The following MYRIP variants were observed in gnomAD, a reference collection of about 807,000 sequenced individuals.
MYRIP encodes the protein rab effector MyRIP.
In MYRIP, 49 loss-of-function variants were observed where a neutral mutation model predicts 98.0. The ratio of observed to expected loss-of-function variants is 0.50; its 90% CI spans 0.40 to 0.63. MYRIP has a LOEUF of 0.63. MYRIP is among the 30% of genes least tolerant of loss of function. The probability of loss-of-function intolerance (pLI) is 0.00; values close to 1 mark genes in which losing one functional copy is unlikely to be tolerated. For missense variants in MYRIP, 1,004 were observed against 1,058.2 expected (o/e 0.95, Z 0.71); for synonymous variants, 404 against 409.5 (o/e 0.99, Z 0.16).
intron 10 of MYRIP, among the ~76,000 whole-genome samples, chr3:40,204,157 TA>T (rs1393155337): frequency 3.1e-4 from 10 of 31,984 alleles, no homozygotes; most frequent in East Asian, 1.4e-3. Context: ...TATATAAATA[TA>T]TAATATAATA....
intron 11 of MYRIP, among the ~76,000 whole-genome samples, chr3:40,228,327 CATAA>C (rs1272833239): frequency 6.6e-6 from 1 of 152,218 alleles, no homozygotes; most frequent in Admixed American, 6.5e-5. Flanking sequence ...ACTGTATTGG[CATAA>C]ATATACTAAG....
At chr3:40,220,778 T>C (rs1952312355) in intron 11 of MYRIP, among the ~76,000 whole-genome samples, 1 of 151,926 alleles carries the variant, frequency 6.6e-6, no homozygotes. Flanking sequence ...GAAGCAGGCA[T>C]GTCTTACATG....
intron 1 of MYRIP, among the ~76,000 whole-genome samples, chr3:39,881,541 A>T (rs1215091116): frequency 6.6e-6 from 1 of 152,184 alleles, no homozygotes; most frequent in Middle Eastern, 3.2e-3. Context: ...ACAAGTACGG[A>T]CAGTGAGTCA....
intron 2 of MYRIP, among the ~76,000 whole-genome samples, chr3:39,984,271 A>G (rs1419377840): frequency 6.6e-6 from 1 of 151,590 alleles, no homozygotes; most frequent in African/African-American, 2.4e-5. Context: ...ACATGTGCAC[A>G]TTGTGCAGGT....
rs377166587 is a variant in MYRIP at position 40,132,770 on chromosome 3, C to T, written c.333-18278C>T. ...GGGTTGGTGCAGAATCTCTGCCTAACTCCTCAGGGCATGAGGCTGATACAA... is the reference window on the plus strand; with the variant it reads ...GGGTTGGTGCAGAATCTCTGCCTAATTCCTCAGGGCATGAGGCTGATACAA... On this transcript the variant is annotated intron_variant, in intron 3 of 16. Coordinates refer to ENST00000302541, the MANE Select transcript of MYRIP (RefSeq NM_015460.4). Among the ~76,000 whole-genome samples the T allele has an allele frequency of 2.0e-5, 3 of 152,254 alleles. No individual in the cohort carries two copies. The East Asian group carries it at 5.8e-4, about 29-fold the overall frequency.
intron 2 of MYRIP, among the ~76,000 whole-genome samples, chr3:40,027,501 C>T (rs1278899064): frequency 6.6e-6 from 1 of 152,076 alleles, no homozygotes; most frequent in Non-Finnish European, 1.5e-5. Flanking sequence ...ATTGGACTAG[C>T]TCCTTCTCAT....
In MYRIP at chr3:40,130,544, AT is replaced by A. The variant is rs1342024914; in HGVS notation, c.333-20495del. 4.7e-5 allele frequency among the ~76,000 whole-genome samples: 7 copies of A among 150,064 alleles called. 1 individual carries two copies. The highest frequency in any genetic ancestry group is 1.5e-4 in the African/African-American group (6 of 40,980). Reference sequence around the variant, plus strand: ...AGGCGCCCACCATCACGCCCGGCTAATTTTTTTTTGTATTTTTAGTAGAGAC... The same window carrying A: ...AGGCGCCCACCATCACGCCCGGCTAATTTTTTTTGTATTTTTAGTAGAGAC... On this transcript the variant is annotated intron_variant, in intron 3 of 16. Transcript: ENST00000302541.
chr3:39,974,858 G>A (rs907919657), intron 2 of MYRIP, among the ~76,000 whole-genome samples: 4 of 152,116 alleles, frequency 2.6e-5, no homozygotes, highest in Non-Finnish European at 4.4e-5. Flanking sequence ...AACCCTTCAT[G>A]CTAAAAACTC....
Position 40,086,534 on chromosome 3 carries a change from G to C in MYRIP, c.332+42263G>C, listed in dbSNP as rs149957984. On this transcript the variant is annotated intron_variant, in intron 3 of 16. Coordinates refer to ENST00000302541, the MANE Select transcript of MYRIP (RefSeq NM_015460.4). The stretch of plus-strand genomic sequence containing the variant: ...ACCAGGGCAGACCTTGCTGCTCTTC[G>C]CCAGGTTTCAGGACATGCGGTGTGA... 2.6e-3 allele frequency among the ~76,000 whole-genome samples: 402 copies of C among 152,290 alleles called. 1 individual carries two copies. The highest frequency in any genetic ancestry group is 9.3e-3 in the African/African-American group (386 of 41,552).
At chr3:39,862,478 A>C (rs774040878) in intron 1 of MYRIP, among the ~76,000 whole-genome samples, 32 of 152,220 alleles carry the variant, frequency 2.1e-4, no homozygotes, top group Admixed American at 1.0e-3. Flanking sequence ...TCAAATATGC[A>C]AAAAGCAGGG....
intron 8 of MYRIP, chr3:40,174,737 G>C (rs1278170042): frequency 6.6e-6 from 1 of 152,244 alleles, no homozygotes; most frequent in Non-Finnish European, 1.5e-5. Context: ...GGAGGAGGAA[G>C]AGTGTACTAA....
At chr3:40,103,209 C>T (rs1268008419) in intron 3 of MYRIP, among the ~76,000 whole-genome samples, 1 of 152,132 alleles carries the variant, frequency 6.6e-6, no homozygotes, top group East Asian at 1.9e-4. Flanking sequence ...ATGCTTTTCA[C>T]AGCAGTGGCT....
intron 1 of MYRIP, among the ~76,000 whole-genome samples, chr3:39,812,602 A>G (rs979171279): frequency 1.3e-5 from 2 of 152,254 alleles, no homozygotes; most frequent in African/African-American, 4.8e-5. Flanking sequence ...TAAAATATGA[A>G]TGAAGAAAAA....
chr3:40,239,239 A>C (rs1952922867), intron 12 of MYRIP, among the ~76,000 whole-genome samples: 1 of 151,482 alleles, frequency 6.6e-6, no homozygotes, highest in African/African-American at 2.4e-5. Flanking sequence ...ACATGAACTC[A>C]TCATTTTTTA....
intron 2 of MYRIP, among the ~76,000 whole-genome samples, chr3:39,920,122 T>A (rs549579299): frequency 6.6e-6 from 1 of 152,090 alleles, no homozygotes; most frequent in Admixed American, 6.5e-5. Context: ...AAATAAAAAA[T>A]AAAATGAAAG....
At chr3:39,843,779 C>T (rs1206992395) in intron 1 of MYRIP, among the ~76,000 whole-genome samples, 2 of 152,096 alleles carry the variant, frequency 1.3e-5, no homozygotes, top group African/African-American at 4.8e-5. Context: ...ATAGTGTAAT[C>T]ACTCTGCCAC....
chr3:39,894,809 T>G (rs112700675), intron 1 of MYRIP, among the ~76,000 whole-genome samples: 2,687 of 152,278 alleles, frequency 0.018, 76 homozygotes, highest in African/African-American at 0.061. Flanking sequence ...GCACATTTTT[T>G]CATTTTCTTG....
intron 3 of MYRIP, among the ~76,000 whole-genome samples, chr3:40,066,740 T>C (rs1425803061): frequency 6.6e-6 from 1 of 152,232 alleles, no homozygotes; most frequent in Non-Finnish European, 1.5e-5. Context: ...CTCACTTGGA[T>C]AAGGCTGCAG....
intron 1 of MYRIP, among the ~76,000 whole-genome samples, chr3:39,886,715 C>A (rs1432026705): frequency 1.3e-5 from 2 of 151,248 alleles, no homozygotes; most frequent in African/African-American, 4.9e-5. Context: ...TACAAAGAGA[C>A]TTAGACTCCC....
Sources: gnomAD v4.1 joint callset for allele counts (sites outside exome capture counted in the v4.1 genomes callset) on GRCh38, gnomAD v4.1.1 for gene constraint, MANE v1.5 for transcripts, NCBI Gene and HGNC (gene_info 2026-07-23, HGNC 2026-07-21) for gene names.